The following DBF4 variants were observed in gnomAD, a reference collection of about 807,000 sequenced individuals.
The protein encoded by DBF4 is DBF4-CDC7 kinase regulatory subunit.
Under a neutral mutation model 76.6 loss-of-function variants are expected in DBF4, and 25 were observed. The ratio of observed to expected loss-of-function variants is 0.33; its 90% CI spans 0.24 to 0.46. The LOEUF (loss-of-function observed/expected upper bound fraction) is 0.46, where lower values mean the gene tolerates loss of function less well. Ranked by LOEUF, DBF4 falls within the 20% of genes least tolerant of loss-of-function variation. The pLI, the probability that DBF4 is intolerant of heterozygous loss-of-function variation, is 1.00. For missense variants in DBF4, 638 were observed against 760.8 expected, an observed-to-expected ratio of 0.84 and a Z score of 1.90; for synonymous variants, 213 against 258.0, an observed-to-expected ratio of 0.83 and a Z score of 1.67.
chr7:87,900,407 T>C (rs914292993), intron 9 of DBF4, 58 bp downstream of exon 9: 3 of 1,520,540 alleles, frequency 2.0e-6, no homozygotes, highest in Admixed American at 2.3e-5. Context: ...CAATTTTTCT[T>C]TGTAAAGATT....
chr7:87,891,321 G>C (rs950411192), intron 6 of DBF4, among the ~76,000 whole-genome samples: 1 of 151,836 alleles, frequency 6.6e-6, no homozygotes, highest in African/African-American at 2.4e-5. Flanking sequence ...ACTGATATGT[G>C]TTCCTGTTTC....
In DBF4 at chr7:87,909,345, T is replaced by C. The variant is rs1341113633; in HGVS notation, c.*1182T>C. The C allele has an allele frequency of 6.6e-6, 1 of 152,254 alleles. No homozygotes were observed. The highest frequency in any genetic ancestry group is 2.4e-5 in the African/African-American group (1 of 41,474). 9.4% of individuals were successfully genotyped at this position (152,254 alleles called of 1,614,324 possible). A position where few individuals can be genotyped will look rare whatever the true frequency, so the allele number is the denominator to read the frequency against. ...TTGGTTCTATTGCATAGTACATGAA[T>C]CTATTGTCACTAAAAATTAGGTTAC... On this transcript the variant is annotated 3_prime_UTR_variant, in exon 12 of 12. Transcript: ENST00000265728.
At position 87,907,204 on chromosome 7, in the gene DBF4, G is replaced by A; in HGVS notation, c.1066G>A (p.Gly356Arg). Residue 356 changes from glycine to arginine, a missense_variant, in exon 12 of 12, where the codon GGA (glycine) becomes AGA (arginine). By Grantham distance (125) the Gly-to-Arg change is moderately radical. Coordinates refer to ENST00000265728, the MANE Select transcript of DBF4 (RefSeq NM_006716.4). ...CCTACAAAGAATAAAATACAGTGTT[G>A]GATCCCTTTCTCCTGTTTCTGCAAG... ...PKKKRIKYSV[G>R]SLSPVSASVL... is the part of the protein sequence containing the mutation. 1 of 1,597,166 alleles carries A rather than the reference G, an allele frequency of 6.3e-7. No individual in the cohort carries two copies. Among genetic ancestry groups the A allele is most frequent in the East Asian group, 2.2e-5 (1 of 44,756 alleles).
intron 11 of DBF4, 48 bp downstream of exon 11, chr7:87,904,464 G>A (rs1298766810): frequency 6.4e-7 from 1 of 1,564,222 alleles, no homozygotes; most frequent in Non-Finnish European, 8.7e-7. Flanking sequence ...AGGCGGCCAG[G>A]GGTGGTGGCT....
intron 2 of DBF4, among the ~76,000 whole-genome samples, chr7:87,879,014 C>T (rs1839142187): frequency 6.6e-6 from 1 of 152,182 alleles, no homozygotes; most frequent in South Asian, 2.1e-4. Flanking sequence ...GCGATCTCAG[C>T]TCACTGCAAC....
intron 8 of DBF4, among the ~76,000 whole-genome samples, chr7:87,899,757 G>A (rs919304661): frequency 1.3e-5 from 2 of 152,176 alleles, no homozygotes; most frequent in African/African-American, 4.8e-5. Context: ...TATGCTAAGT[G>A]AAATAAGACA....
chr7:87,902,517 T>A (rs1291750134), intron 10 of DBF4, among the ~76,000 whole-genome samples: 5 of 152,120 alleles, frequency 3.3e-5, no homozygotes, highest in African/African-American at 1.2e-4. Flanking sequence ...AAAAGTAAAG[T>A]ATGAAGTGCA....
intron 6 of DBF4, among the ~76,000 whole-genome samples, chr7:87,889,880 T>G (rs1007449092): frequency 1.3e-5 from 2 of 152,196 alleles, no homozygotes; most frequent in African/African-American, 2.4e-5. Context: ...AGGTCTGGGT[T>G]AAAAATTTAA....
intron 2 of DBF4, chr7:87,878,452 G>A (rs564355775): frequency 4.9e-6 from 2 of 411,104 alleles, no homozygotes; most frequent in Admixed American, 8.3e-5. Context: ...TTCTTAGAGT[G>A]TAAGACTCCC....
intron 6 of DBF4, among the ~76,000 whole-genome samples, chr7:87,895,450 C>A (rs985555572): frequency 6.6e-6 from 1 of 151,588 alleles, no homozygotes; most frequent in Admixed American, 6.6e-5. Context: ...TTGTGTAGGC[C>A]CTATATCCTG....
In DBF4 at chr7:87,888,156, C is replaced by T. The variant is rs972451323; in HGVS notation, c.597+97C>T. 5.0e-6 allele frequency: 7 copies of T among 1,394,360 alleles called. No individual in the cohort carries two copies. The Admixed American group carries it at 1.2e-4, about 24-fold the overall frequency. 86.4% of individuals were successfully genotyped at this position (1,394,360 alleles called of 1,614,324 possible). A position where few individuals can be genotyped will look rare whatever the true frequency, so the allele number is the denominator to read the frequency against. On this transcript the variant is annotated intron_variant, in intron 6 of 11. Transcript: ENST00000265728. The stretch of plus-strand genomic sequence containing the variant: ...TCCCAAGCAGAAAATATCCTAGGGG[C>T]AAGCCTGTGTATGATGTGCCTGTTT...
chr7:87,880,794 G>A (rs547431137), intron 2 of DBF4, among the ~76,000 whole-genome samples: 12 of 152,164 alleles, frequency 7.9e-5, no homozygotes, highest in African/African-American at 2.9e-4. Context: ...CTTTAATAGT[G>A]CAAGAAAAGT....
chr7:87,892,791 A>G (rs954738646), intron 6 of DBF4, among the ~76,000 whole-genome samples: 1 of 152,116 alleles, frequency 6.6e-6, no homozygotes, highest in Non-Finnish European at 1.5e-5. Context: ...TGACTTACTC[A>G]TTGTCCTGTG....
chr7:87,908,724 G>C lies in DBF4; in HGVS notation c.*561G>C, dbSNP rs547249339. ...AGCCATGAAGGAAGGACTTAACCAG[G>C]CTACCAAGTGGAATATAATTTATCT... is the stretch of plus-strand genomic sequence containing the variant. On this transcript the variant is annotated 3_prime_UTR_variant, in exon 12 of 12. Transcript: ENST00000265728. The C allele has an allele frequency of 1.3e-5, 2 of 152,154 alleles. No homozygotes were observed. The highest frequency in any genetic ancestry group is 4.8e-5 in the African/African-American group (2 of 41,462). The allele number at this position is 152,154 out of a possible 1,614,324, so 9.4% of individuals were successfully genotyped here.
chr7:87,885,915 C>A (rs1405858052), intron 3 of DBF4, among the ~76,000 whole-genome samples: 2 of 152,070 alleles, frequency 1.3e-5, no homozygotes, highest in Non-Finnish European at 2.9e-5. Context: ...GGGATAGGAT[C>A]AAATGAGAGA....
chr7:87,903,858 C>A (rs1839850556), intron 10 of DBF4, among the ~76,000 whole-genome samples: 1 of 152,002 alleles, frequency 6.6e-6, no homozygotes, highest in Non-Finnish European at 1.5e-5. Flanking sequence ...CCAGGCCCAG[C>A]CGATTTTTTG....
chr7:87,901,484 T>C (rs965637612), intron 10 of DBF4, among the ~76,000 whole-genome samples: 9 of 152,122 alleles, frequency 5.9e-5, no homozygotes, highest in Admixed American at 2.6e-4. Flanking sequence ...TGCCAATGGA[T>C]TGGATGTTGC....
intron 2 of DBF4, among the ~76,000 whole-genome samples, chr7:87,879,799 A>G (rs1839165957): frequency 6.6e-6 from 1 of 152,174 alleles, no homozygotes; most frequent in African/African-American, 2.4e-5. Context: ...TGAAAAATAC[A>G]AAAATTAGCC....
chr7:87,882,843 C>T (rs1189083342), intron 2 of DBF4, among the ~76,000 whole-genome samples: 1 of 152,134 alleles, frequency 6.6e-6, no homozygotes, highest in Non-Finnish European at 1.5e-5. Flanking sequence ...AACCCTTGTG[C>T]ACTCTGAGTG....
Sources: gnomAD v4.1 joint callset for allele counts (sites outside exome capture counted in the v4.1 genomes callset) on GRCh38, gnomAD v4.1.1 for gene constraint, MANE v1.5 for transcripts, NCBI Gene and HGNC (gene_info 2026-07-23, HGNC 2026-07-21) for gene names.